Variants in PLEKHG3 observed in about 807,000 individuals in gnomAD.
PLEKHG3 encodes the protein pleckstrin homology domain-containing family G member 3.
In PLEKHG3, 62 loss-of-function variants were observed where a neutral mutation model predicts 94.9. The observed-to-expected ratio is 0.65, with a 90% CI of 0.53 to 0.81. PLEKHG3 has a LOEUF of 0.81. Among genes scored for constraint, PLEKHG3 ranks in the 30% least tolerant of loss-of-function variants. The pLI, the probability that PLEKHG3 is intolerant of heterozygous loss-of-function variation, is 0.00. For missense variants in PLEKHG3, 1,461 were observed against 1,619.3 expected (o/e 0.90, Z 1.68); for synonymous variants, 614 against 654.0 (o/e 0.94, Z 0.93).
chr14:64,743,864 G>C lies in PLEKHG3; in HGVS notation c.*161G>C, dbSNP rs2081774155. The C allele has an allele frequency of 1.4e-6, 1 of 717,964 alleles. No homozygotes were observed. The highest frequency in any genetic ancestry group is 2.2e-6 in the Non-Finnish European group (1 of 461,230). The allele number at this position is 717,964 out of a possible 1,614,324, so 44.5% of individuals were successfully genotyped here. A position where few individuals can be genotyped will look rare whatever the true frequency, so the allele number is the denominator to read the frequency against. On this transcript the variant is annotated 3_prime_UTR_variant, in exon 17 of 17. Coordinates refer to ENST00000247226, the MANE Select transcript of PLEKHG3 (RefSeq NM_001308147.2). This position sits in a 1 kb window ranked among gnomAD's most constrained non-coding sequence, Gnocchi z 7.2. ...CAGGAAGGATGCTCCCGTGTGCAGG[G>C]GTCTCCTGCCTGTGCCATCCACTGG...
At chr14:64,709,397 C>A (rs1275637451) in intron 1 of PLEKHG3, among the ~76,000 whole-genome samples, 1 of 152,128 alleles carries the variant, frequency 6.6e-6, no homozygotes, top group African/African-American at 2.4e-5. Context: ...GGCGGCTGGC[C>A]TTTGGGGAGG....
At position 64,749,616 on chromosome 14, in the gene PLEKHG3, C is replaced by T. The variant is rs2139416650; in HGVS notation, c.*5913C>T. 4 of 1,612,746 alleles carry T rather than the reference C, an allele frequency of 2.5e-6. No individual in the cohort carries two copies. The highest frequency in any genetic ancestry group is 2.5e-6 in the Non-Finnish European group (3 of 1,179,858). ...CGGCCTGGGGTCCTCCACCTACCCC[C>T]TTCTTAGCCAGGTCTGGGCTAGGCT... On this transcript the variant is annotated 3_prime_UTR_variant, in exon 17 of 17. Coordinates refer to ENST00000247226, the MANE Select transcript of PLEKHG3 (RefSeq NM_001308147.2). This position sits in a 1 kb window ranked among gnomAD's most constrained non-coding sequence, Gnocchi z 4.7.
Position 64,748,812 on chromosome 14 carries a change from AT to A in PLEKHG3, c.*5110del, listed in dbSNP as rs2139412511. On this transcript the variant is annotated 3_prime_UTR_variant, in exon 17 of 17. Coordinates refer to ENST00000247226, the MANE Select transcript of PLEKHG3 (RefSeq NM_001308147.2). ...TCCTCATGCCCCTAGGGGGCTGGCC[AT>A]GCATTTCCAGTGTCTTCTTCCTTTC... 1 of 162,614 alleles carries A rather than the reference AT, an allele frequency of 6.1e-6. No individual in the cohort carries two copies. Among genetic ancestry groups the A allele is most frequent in the South Asian group, 1.7e-4 (1 of 5,770 alleles). 10.1% of individuals were successfully genotyped at this position (162,614 alleles called of 1,614,324 possible). A position where few individuals can be genotyped will look rare whatever the true frequency, so the allele number is the denominator to read the frequency against.
Position 64,736,843 on chromosome 14 carries a change from T to G in PLEKHG3, c.1346-10T>G. 1.2e-6 allele frequency: 2 copies of G among 1,610,596 alleles called. No homozygotes were observed. Among genetic ancestry groups the G allele is most frequent in the Non-Finnish European group, 1.7e-6 (2 of 1,176,908 alleles). ...GCCCGCGCTGACTCTGCTCATGCTT[T>G]CCTCCTCAGAGCCAACCAAACACCT... On this transcript the variant is annotated splice_polypyrimidine_tract_variant and intron_variant, in intron 12 of 16. Coordinates refer to ENST00000247226, the MANE Select transcript of PLEKHG3 (RefSeq NM_001308147.2).
rs41310848 is a variant in PLEKHG3 at position 64,743,639 on chromosome 14, C to T, written c.3596C>T (p.Pro1199Leu). 4.5e-3 allele frequency: 7,199 copies of T among 1,611,058 alleles called. 24 individuals carry two copies. The highest frequency in any genetic ancestry group is 0.013 in the East Asian group (569 of 44,860). Residue 1199 changes from proline (P) to leucine (L), a missense_variant, in exon 17 of 17, where the codon CCG (proline) becomes CTG (leucine). Pro to Leu is a moderately conservative substitution (Grantham distance 98). Coordinates refer to ENST00000247226, the MANE Select transcript of PLEKHG3 (RefSeq NM_001308147.2). The surrounding 1 kb of genome is among the most constrained non-coding windows in gnomAD (Gnocchi z 7.2). ...GAGGGTTCCAGGGACCCGGCAGACC[C>T]GAGCCAGCAGGGCAGAGTGAGAAAC... The part of the protein sequence containing the change: ...KEEGSRDPAD[P>L]SQQGRVRNLR...
At chr14:64,712,907 C>A (rs1263883184) in intron 1 of PLEKHG3, among the ~76,000 whole-genome samples, 1 of 152,140 alleles carries the variant, frequency 6.6e-6, no homozygotes, top group African/African-American at 2.4e-5. Flanking sequence ...AAAGCATTGT[C>A]TTTCTCCATT....
intron 15 of PLEKHG3, among the ~76,000 whole-genome samples, chr14:64,740,677 C>T (rs1046637698): frequency 2.0e-5 from 3 of 152,242 alleles, no homozygotes; most frequent in Non-Finnish European, 4.4e-5. Context: ...CTGTGAGAAC[C>T]AGCCCCTGGG....
rs1208753877 is a variant in PLEKHG3, at chr14:64,730,387, G to C, written c.519+75G>C. ...AGAGACAAGAACTGCCAGCATAAGA[G>C]GACATCTGAGTCCTGGGGATTCCTT... On this transcript the variant is annotated intron_variant, in intron 4 of 16. Coordinates refer to ENST00000247226, the MANE Select transcript of PLEKHG3 (RefSeq NM_001308147.2). The surrounding 1 kb of genome is among the most constrained non-coding windows in gnomAD (Gnocchi z 5.4). The C allele has an allele frequency of 2.1e-6, 2 of 967,120 alleles. No individual in the cohort carries two copies. Among genetic ancestry groups the C allele is most frequent in the African/African-American group, 3.2e-5 (2 of 62,220 alleles). 59.9% of individuals were successfully genotyped at this position (967,120 alleles called of 1,614,324 possible). A position where few individuals can be genotyped will look rare whatever the true frequency, so the allele number is the denominator to read the frequency against.
chr14:64,734,970 C>T (rs2081543487), intron 12 of PLEKHG3, among the ~76,000 whole-genome samples: 1 of 152,164 alleles, frequency 6.6e-6, no homozygotes, highest in South Asian at 2.1e-4. Context: ...AGGTGATCCA[C>T]CCGCCTCGGC....
rs1274713542 is a variant in PLEKHG3, at chr14:64,726,353, A to G, written c.-39-1240A>G. ...GGGTCTAGTCACTTCTGAGCCCTAGAGCTAGGGGTAGAAGACTCGGGTCAG... is the reference window on the plus strand; with the variant it reads ...GGGTCTAGTCACTTCTGAGCCCTAGGGCTAGGGGTAGAAGACTCGGGTCAG... On this transcript the variant is annotated intron_variant, in intron 1 of 16. Transcript: ENST00000247226. The surrounding 1 kb of genome is among the most constrained non-coding windows in gnomAD (Gnocchi z 5.1). Among the ~76,000 whole-genome samples, 2 of 152,098 alleles carry G rather than the reference A, an allele frequency of 1.3e-5. No individual in the cohort carries two copies. Among genetic ancestry groups the G allele is most frequent in the Non-Finnish European group, 2.9e-5 (2 of 67,998 alleles).
At position 64,749,479 on chromosome 14, in the gene PLEKHG3, G is replaced by A. The variant is rs748887741; in HGVS notation, c.*5776G>A. 2 of 1,599,598 alleles carry A rather than the reference G, an allele frequency of 1.3e-6. No individual in the cohort carries two copies. Among genetic ancestry groups the A allele is most frequent in the South Asian group, 2.2e-5 (2 of 90,880 alleles). ...AGCCAGGACAGCATCTCCTCCTGCGGGGCGGAGGGTCACGGTGGAGTCTGG... is the reference window on the plus strand; with the variant it reads ...AGCCAGGACAGCATCTCCTCCTGCGAGGCGGAGGGTCACGGTGGAGTCTGG... On this transcript the variant is annotated 3_prime_UTR_variant, in exon 17 of 17. Transcript: ENST00000247226. The surrounding 1 kb of genome is among the most constrained non-coding windows in gnomAD (Gnocchi z 4.7).
chr14:64,732,965 TC>T lies in PLEKHG3; in HGVS notation c.1345+65del. 1 of 1,030,138 alleles carries T rather than the reference TC, an allele frequency of 9.7e-7. No individual in the cohort carries two copies. The highest frequency in any genetic ancestry group is 1.5e-6 in the Non-Finnish European group (1 of 672,308). 63.8% of individuals were successfully genotyped at this position (1,030,138 alleles called of 1,614,324 possible). On this transcript the variant is annotated intron_variant, in intron 12 of 16. Coordinates refer to ENST00000247226, the MANE Select transcript of PLEKHG3 (RefSeq NM_001308147.2). The surrounding 1 kb of genome is among the most constrained non-coding windows in gnomAD (Gnocchi z 4.9). The stretch of plus-strand genomic sequence containing the variant: ...ACACCCTTGCCCAGACTGGGGACCG[TC>T]TGCGGCAGTGTCCAGGGCTGTGGCT...
chr14:64,738,240 G>T lies in PLEKHG3; in HGVS notation c.1405-502G>T. On this transcript the variant is annotated intron_variant, in intron 14 of 16. Coordinates refer to ENST00000247226, the MANE Select transcript of PLEKHG3 (RefSeq NM_001308147.2). The surrounding 1 kb of genome is among the most constrained non-coding windows in gnomAD (Gnocchi z 4.8). ...GGGCGCTATGGTGAGGTGTCTCTTC[G>T]ATCTCCCCTCCTCCTTGCATGCTCC... is the stretch of plus-strand genomic sequence containing the variant. The T allele has an allele frequency of 5.5e-6, 7 of 1,279,570 alleles. No homozygotes were observed. Among genetic ancestry groups the T allele is most frequent in the Non-Finnish European group, 7.1e-6 (7 of 981,544 alleles). 79.3% of individuals were successfully genotyped at this position (1,279,570 alleles called of 1,614,324 possible).
In PLEKHG3 at chr14:64,741,427, G is replaced by A. The variant is rs776806212; in HGVS notation, c.1910G>A (p.Arg637Gln). Residue 637 changes from arginine (R) to glutamine (Q), a missense_variant, in exon 16 of 17, where the codon CGG (arginine) becomes CAG (glutamine). Physicochemically the swap from Arg to Gln is conservative, Grantham distance 43. Transcript: ENST00000247226. ...TTTGGGAGCCCGCGGCTGGTCAGCC[G>A]GAGCAGCAGCGTGCTCAGCCTGGAG... The part of the protein sequence containing the change: ...SGFGSPRLVS[R>Q]SSSVLSLEGS... The A allele has an allele frequency of 8.7e-5, 141 of 1,612,640 alleles. No homozygotes were observed. Among genetic ancestry groups the A allele is most frequent in the Non-Finnish European group, 1.1e-4 (130 of 1,179,984 alleles).
At position 64,742,003 on chromosome 14, in the gene PLEKHG3, G is replaced by A. The variant is rs200052931; in HGVS notation, c.2486G>A (p.Gly829Glu). ...EGMESSGGSPGKGPGQGQANG... is the reference protein window; with the variant it reads ...EGMESSGGSPEKGPGQGQANG... ...ATGGAGTCTTCCGGAGGGAGCCCTG[G>A]GAAGGGGCCAGGCCAGGGCCAGGCC... Residue 829 changes from glycine (G) to glutamate (E), a missense_variant, in exon 16 of 17, where the codon GGG becomes GAG. Physicochemically the swap from Gly to Glu is moderately conservative, Grantham distance 98. Transcript: ENST00000247226. The A allele has an allele frequency of 1.1e-5, 17 of 1,572,646 alleles. No individual in the cohort carries two copies. The highest frequency in any genetic ancestry group is 6.8e-5 in the African/African-American group (5 of 73,470).
In PLEKHG3 at chr14:64,744,852, C is replaced by A. The variant is rs144488160; in HGVS notation, c.*1149C>A. On this transcript the variant is annotated 3_prime_UTR_variant, in exon 17 of 17. Transcript: ENST00000247226. Reference sequence around the variant, plus strand: ...GCAATGGCGTGATCTTGGCTTACTGCAACCTCCGCCTCCCAGGTTCAAGCA... The same window carrying A: ...GCAATGGCGTGATCTTGGCTTACTGAAACCTCCGCCTCCCAGGTTCAAGCA... 13,236 of 149,562 alleles carry A rather than the reference C, an allele frequency of 0.088. 645 individuals carry two copies. The highest frequency in any genetic ancestry group is 0.15 in the Middle Eastern group (43 of 286). 9.3% of individuals were successfully genotyped at this position (149,562 alleles called of 1,614,324 possible). A position where few individuals can be genotyped will look rare whatever the true frequency, so the allele number is the denominator to read the frequency against.
rs374071959 is a variant in PLEKHG3, at chr14:64,741,942, C to T, written c.2425C>T (p.Arg809Cys). Residue 809 changes from arginine to cysteine, a missense_variant, in exon 16 of 17, where the codon CGC (arginine) becomes TGC (cysteine). Transcript: ENST00000247226. Reference protein sequence around the residue: ...DPPPISDAEFRPSSEIVKIWE... With the variant: ...DPPPISDAEFCPSSEIVKIWE... ...ACCTCCCATCTCAGATGCTGAGTTC[C>T]GCCCATCTTCAGAAATTGTGAAGAT... 1.5e-5 allele frequency: 23 copies of T among 1,579,756 alleles called. No individual in the cohort carries two copies. The highest frequency in any genetic ancestry group is 1.7e-4 in the Middle Eastern group (1 of 5,874).
Position 64,748,958 on chromosome 14 carries a change from TG to T in PLEKHG3, c.*5260del, listed in dbSNP as rs1238380162. 18 of 171,314 alleles carry T rather than the reference TG, an allele frequency of 1.1e-4. No homozygotes were observed. Among genetic ancestry groups the T allele is most frequent in the African/African-American group, 3.9e-4 (15 of 38,816 alleles). 10.6% of individuals were successfully genotyped at this position (171,314 alleles called of 1,614,324 possible). A position where few individuals can be genotyped will look rare whatever the true frequency, so the allele number is the denominator to read the frequency against. On this transcript the variant is annotated 3_prime_UTR_variant, in exon 17 of 17. Transcript: ENST00000247226. ...GCTCTTTTTTTTTTTTTTTTTTGGT[TG>T]GGGGTAAGGGGCCTGTGCCCCCTCG... is the stretch of plus-strand genomic sequence containing the variant.
At position 64,716,463 on chromosome 14, in the gene PLEKHG3, C is replaced by CACAG. The variant is rs1555359411; in HGVS notation, c.-39-11127_-39-11126insGACA. Among the ~76,000 whole-genome samples, 2 of 115,744 alleles carry CACAG rather than the reference C, an allele frequency of 1.7e-5. No homozygotes were observed. Among genetic ancestry groups the CACAG allele is most frequent in the Non-Finnish European group, 3.8e-5 (2 of 52,362 alleles). The allele number at this position is 115,744 out of a possible 152,430, so 75.9% of individuals were successfully genotyped here. ...ACACACACACACACACACACACACA[C>CACAG]ACAACACACACACACACAACACACA... On this transcript the variant is annotated intron_variant, in intron 1 of 16. Coordinates refer to ENST00000247226, the MANE Select transcript of PLEKHG3 (RefSeq NM_001308147.2). The surrounding 1 kb of genome is among the most constrained non-coding windows in gnomAD (Gnocchi z 5.0).
Sources: gnomAD v4.1 joint callset for allele counts (sites outside exome capture counted in the v4.1 genomes callset) on GRCh38, gnomAD v4.1.1 for gene constraint, Gnocchi (gnomAD v3.1) non-coding constraint, MANE v1.5 for transcripts, NCBI Gene and HGNC (gene_info 2026-07-23, HGNC 2026-07-21) for gene names.